The following CORO2B variants were observed in gnomAD, a reference collection of about 807,000 sequenced individuals.
The protein encoded by CORO2B is coronin-2B.
In CORO2B, 26 loss-of-function variants were observed where a neutral mutation model predicts 58.8. The ratio of observed to expected loss-of-function variants is 0.44; its 90% CI spans 0.32 to 0.61. The LOEUF (loss-of-function observed/expected upper bound fraction) is 0.61, where lower values mean the gene tolerates loss of function less well. Among genes scored for constraint, CORO2B ranks in the 20% least tolerant of loss-of-function variants. The probability of loss-of-function intolerance (pLI) is 0.04; values close to 1 mark genes in which losing one functional copy is unlikely to be tolerated. For missense variants in CORO2B, 460 were observed against 645.1 expected, an observed-to-expected ratio of 0.71 and a Z score of 3.11; for synonymous variants, 242 against 253.8, an observed-to-expected ratio of 0.95 and a Z score of 0.44.
At chr15:68,677,276 C>T (rs932555672) in intron 2 of CORO2B, among the ~76,000 whole-genome samples, 3 of 152,176 alleles carry the variant, frequency 2.0e-5, no homozygotes, top group Non-Finnish European at 2.9e-5. Flanking sequence ...TGGTCATTCC[C>T]ACTGGGCCTG....
At chr15:68,724,776 A>G (rs1467338781) in intron 11 of CORO2B, among the ~76,000 whole-genome samples, 2 of 152,186 alleles carry the variant, frequency 1.3e-5, no homozygotes, top group Non-Finnish European at 2.9e-5. Flanking sequence ...ACCAAACACA[A>G]TTGACTGTGG....
At chr15:68,624,736 A>G (rs1234865853) in intron 1 of CORO2B, among the ~76,000 whole-genome samples, 1 of 151,166 alleles carries the variant, frequency 6.6e-6, no homozygotes, top group Non-Finnish European at 1.5e-5. Context: ...TCTGTCACCC[A>G]GGCTGGAGTG....
At chr15:68,638,301 A>C (rs751818415) in intron 1 of CORO2B, among the ~76,000 whole-genome samples, 1 of 151,986 alleles carries the variant, frequency 6.6e-6, no homozygotes, top group Non-Finnish European at 1.5e-5. Flanking sequence ...CTCACAGGAG[A>C]AGGAGAGAGG....
At chr15:68,530,078 A>G in the CORO2B span, among the ~76,000 whole-genome samples, 1 of 152,294 alleles carries the variant, frequency 6.6e-6, no homozygotes, top group African/African-American at 2.4e-5. Context: ...TAATCCCCGC[A>G]CTTTGGGAGG....
At chr15:68,552,204 T>C in the CORO2B span, among the ~76,000 whole-genome samples, 25 of 152,236 alleles carry the variant, frequency 1.6e-4, no homozygotes, top group African/African-American at 5.8e-4. Context: ...AGGGGTACTT[T>C]AGTACAAATG....
At chr15:68,559,677 T>A in the CORO2B span, 32 of 979,678 alleles carry the variant, frequency 3.3e-5, no homozygotes, top group Non-Finnish European at 3.6e-5. The surrounding 1 kb of genome is among the most constrained non-coding windows in gnomAD (Gnocchi z 4.3). Context: ...CGTTTCCGGT[T>A]TTCCGGTTGG....
intron 1 of CORO2B, among the ~76,000 whole-genome samples, chr15:68,581,865 C>G (rs1595950292): frequency 6.6e-6 from 1 of 152,190 alleles, no homozygotes; most frequent in Admixed American, 6.6e-5. Context: ...TGCTGCTTCT[C>G]CAGGCAGAGG....
At chr15:68,586,548 T>C (rs1256886491) in intron 1 of CORO2B, among the ~76,000 whole-genome samples, 2 of 152,220 alleles carry the variant, frequency 1.3e-5, no homozygotes, top group African/African-American at 4.8e-5. Flanking sequence ...AAGTATCCAC[T>C]CATTTAATCC....
At chr15:68,646,123 A>G (rs1339503174) in intron 2 of CORO2B, among the ~76,000 whole-genome samples, 2 of 151,818 alleles carry the variant, frequency 1.3e-5, no homozygotes, top group African/African-American at 4.8e-5. Context: ...GAAATAATTT[A>G]CCTTCTTCCC....
At chr15:68,543,117 CG>C in the CORO2B span, among the ~76,000 whole-genome samples, 4 of 152,096 alleles carry the variant, frequency 2.6e-5, no homozygotes, top group African/African-American at 9.7e-5. Flanking sequence ...CAACAGGGAT[CG>C]GGGGGTGGAG....
the CORO2B span, among the ~76,000 whole-genome samples, chr15:68,545,164 G>A: frequency 6.6e-6 from 1 of 152,210 alleles, no homozygotes; most frequent in Non-Finnish European, 1.5e-5. Context: ...CTCTGAGAGT[G>A]ACACACGCTG....
intron 2 of CORO2B, among the ~76,000 whole-genome samples, chr15:68,693,650 C>T (rs376778388): frequency 1.5e-4 from 23 of 152,302 alleles, no homozygotes; most frequent in South Asian, 6.2e-4. Flanking sequence ...CACCCATCCA[C>T]GCCCCTTGTT....
the CORO2B span, among the ~76,000 whole-genome samples, chr15:68,559,155 A>G: frequency 6.6e-6 from 1 of 152,122 alleles, no homozygotes; most frequent in Non-Finnish European, 1.5e-5. This position sits in a 1 kb window ranked among gnomAD's most constrained non-coding sequence, Gnocchi z 4.3. Context: ...GGCAGGGAGC[A>G]GACCTGACTC....
chr15:68,682,472 G>C (rs1902822401), intron 2 of CORO2B, among the ~76,000 whole-genome samples: 2 of 152,096 alleles, frequency 1.3e-5, no homozygotes, highest in Admixed American at 6.5e-5. Context: ...GGCTTAGCAA[G>C]GGGCTCAGGA....
At chr15:68,596,406 G>A (rs900143568) in intron 1 of CORO2B, among the ~76,000 whole-genome samples, 2 of 151,778 alleles carry the variant, frequency 1.3e-5, no homozygotes, top group African/African-American at 4.8e-5. Flanking sequence ...GGAATGAAGG[G>A]GGGATAGAGC....
At chr15:68,633,291 G>C (rs1019660667) in intron 1 of CORO2B, among the ~76,000 whole-genome samples, 5 of 152,026 alleles carry the variant, frequency 3.3e-5, no homozygotes, top group Non-Finnish European at 7.4e-5. Flanking sequence ...TTCCTTGCTG[G>C]GTCCTAAATT....
At chr15:68,699,412 A>G (rs7177588) in intron 3 of CORO2B, among the ~76,000 whole-genome samples, 5,462 of 152,184 alleles carry the variant, frequency 0.036, 308 homozygotes, top group African/African-American at 0.12. Flanking sequence ...TGGGGCCTGA[A>G]CTAGCTGGAT....
the CORO2B span, among the ~76,000 whole-genome samples, chr15:68,531,558 AAGAAAG>A: frequency 8.3e-5 from 11 of 133,214 alleles, no homozygotes; most frequent in Non-Finnish European, 9.7e-5. Context: ...GAAGGAAGGA[AAGAAAG>A]AGAAAGAAAG....
chr15:68,703,162 T>C (rs988925119), intron 3 of CORO2B, among the ~76,000 whole-genome samples: 5 of 143,924 alleles, frequency 3.5e-5, no homozygotes, highest in African/African-American at 1.3e-4. Context: ...TTTTTTTTTT[T>C]TTTTTTTGAG....
Sources: gnomAD v4.1 joint callset for allele counts (sites outside exome capture counted in the v4.1 genomes callset) on GRCh38, gnomAD v4.1.1 for gene constraint, Gnocchi (gnomAD v3.1) non-coding constraint, MANE v1.5 for transcripts, NCBI Gene and HGNC (gene_info 2026-07-23, HGNC 2026-07-21) for gene names.